Variants in NDRG3 observed in about 807,000 individuals in gnomAD.
NDRG3 encodes the protein NDRG family member 3, also known as protein NDRG3.
A neutral mutation model predicts 57.2 loss-of-function variants in NDRG3; 23 were observed. The observed-to-expected ratio is 0.40, with a 90% CI of 0.29 to 0.57. The LOEUF is 0.57. NDRG3 is among the 20% of genes least tolerant of loss of function. The pLI is 0.42. For missense variants in NDRG3, 384 were observed against 457.3 expected (o/e 0.84, Z 1.46); for synonymous variants, 132 against 162.6 (o/e 0.81, Z 1.43).
intron 1 of NDRG3, among the ~76,000 whole-genome samples, chr20:36,725,400 C>T (rs1179972681): frequency 2.0e-5 from 3 of 151,772 alleles, no homozygotes; most frequent in East Asian, 1.9e-4. Flanking sequence ...ACCTGAGGTT[C>T]GAGACCAGTC....
chr20:36,685,656 T>C (rs2058343394), intron 5 of NDRG3, among the ~76,000 whole-genome samples: 1 of 152,204 alleles, frequency 6.6e-6, no homozygotes, highest in African/African-American at 2.4e-5. Context: ...ATGAACCATC[T>C]GATCCTAAGA....
At chr20:36,719,930 C>T (rs576193106) in intron 2 of NDRG3, among the ~76,000 whole-genome samples, 162 of 151,982 alleles carry the variant, frequency 1.1e-3, no homozygotes, top group African/African-American at 3.8e-3. Flanking sequence ...GCCTGACCAA[C>T]ATGGTGAAAC....
At position 36,653,397 on chromosome 20, in the gene NDRG3, G is replaced by A. The variant is rs775564168; in HGVS notation, c.*123C>T. On this transcript the variant is annotated 3_prime_UTR_variant, in exon 16 of 16. Transcript: ENST00000349004. The surrounding 1 kb of genome is among the most constrained non-coding windows in gnomAD (Gnocchi z 4.2). ...AGAATGATAAATCCAGGCTACTAGAGAGAGGTTCAGTGGCCATGCATGAGT... is the reference window on the plus strand; with the variant it reads ...AGAATGATAAATCCAGGCTACTAGAAAGAGGTTCAGTGGCCATGCATGAGT... 2 of 815,862 alleles carry A rather than the reference G, an allele frequency of 2.5e-6. No homozygotes were observed. The highest frequency in any genetic ancestry group is 2.7e-5 in the East Asian group (1 of 37,034). 50.5% of individuals were successfully genotyped at this position (815,862 alleles called of 1,614,324 possible).
At chr20:36,692,853 C>T (rs931292868) in intron 3 of NDRG3, among the ~76,000 whole-genome samples, 4 of 151,074 alleles carry the variant, frequency 2.6e-5, no homozygotes, top group South Asian at 2.1e-4. Context: ...GTGAGAGGAT[C>T]GCTTGAGCCC....
At chr20:36,745,044 A>G (rs1319127357) in intron 1 of NDRG3, among the ~76,000 whole-genome samples, 3 of 151,388 alleles carry the variant, frequency 2.0e-5, no homozygotes, top group African/African-American at 4.8e-5. Flanking sequence ...GTAAGCCACC[A>G]AAGGAAAGCT....
rs1978311544 is a variant in NDRG3, at chr20:36,651,798, T to G, written c.*1722A>C. ...ACAATGAGACATATGCAGCTTTATTTAATAATCTGTAAAAAGTCATACTCT... is the reference window on the plus strand; with the variant it reads ...ACAATGAGACATATGCAGCTTTATTGAATAATCTGTAAAAAGTCATACTCT... On this transcript the variant is annotated 3_prime_UTR_variant, in exon 16 of 16. Transcript: ENST00000349004. 6.6e-6 allele frequency: 1 copy of G among 152,170 alleles called. No homozygotes were observed. Among genetic ancestry groups the G allele is most frequent in the Non-Finnish European group, 1.5e-5 (1 of 68,030 alleles). The allele number at this position is 152,170 out of a possible 1,614,324, so 9.4% of individuals were successfully genotyped here.
chr20:36,684,372 A>G, intron 6 of NDRG3, 41 bp downstream of exon 6: 4 of 1,518,516 alleles, frequency 2.6e-6, no homozygotes, highest in Non-Finnish European at 3.7e-6. Flanking sequence ...CACCATAGAA[A>G]GTCAATAAAA....
chr20:36,728,493 G>T (rs1985080977), intron 1 of NDRG3, among the ~76,000 whole-genome samples: 1 of 152,214 alleles, frequency 6.6e-6, no homozygotes. Flanking sequence ...TAGATAGATG[G>T]ATGGATGGGT....
chr20:36,727,533 T>TTTTTC (rs1372949716), intron 1 of NDRG3, among the ~76,000 whole-genome samples: 3 of 150,170 alleles, frequency 2.0e-5, no homozygotes, highest in African/African-American at 7.4e-5. Flanking sequence ...CTTTCTTTCT[T>TTTTTC]TTTTCTTTTC....
chr20:36,688,502 A>G (rs1319633891), intron 4 of NDRG3, among the ~76,000 whole-genome samples, 177 bp downstream of exon 4: 1 of 152,204 alleles, frequency 6.6e-6, no homozygotes, highest in East Asian at 1.9e-4. Context: ...TCCCCAGAAT[A>G]CATTCCCCTG....
Position 36,653,797 on chromosome 20 carries a change from A to G in NDRG3, c.947-96T>C, listed in dbSNP as rs1460178863. 1 of 1,167,678 alleles carries G rather than the reference A, an allele frequency of 8.6e-7. No homozygotes were observed. The highest frequency in any genetic ancestry group is 2.4e-5 in the East Asian group (1 of 41,356). 72.3% of individuals were successfully genotyped at this position (1,167,678 alleles called of 1,614,324 possible). A position where few individuals can be genotyped will look rare whatever the true frequency, so the allele number is the denominator to read the frequency against. On this transcript the variant is annotated intron_variant, in intron 15 of 15. Transcript: ENST00000349004. This position sits in a 1 kb window ranked among gnomAD's most constrained non-coding sequence, Gnocchi z 4.2. The stretch of plus-strand genomic sequence containing the variant: ...AAAGTCTTTATGTTTAGCTTTTCCG[A>G]CTCATTTACCATGACACCCAGGACA...
intron 12 of NDRG3, among the ~76,000 whole-genome samples, chr20:36,662,273 G>A (rs1184054902): frequency 6.6e-6 from 1 of 150,586 alleles, no homozygotes; most frequent in Non-Finnish European, 1.5e-5. Context: ...TGTCTCCCAG[G>A]CTGGGGTGCA....
At chr20:36,656,597 C>T in intron 13 of NDRG3, 65 bp from the exon 14 acceptor site, 1 of 1,558,678 alleles carries the variant, frequency 6.4e-7, no homozygotes, top group Non-Finnish European at 8.8e-7. Context: ...CTGAACACCC[C>T]AAGTCCTTTC....
chr20:36,676,077 A>G (rs1324861039), intron 8 of NDRG3, among the ~76,000 whole-genome samples: 3 of 151,954 alleles, frequency 2.0e-5, no homozygotes, highest in Admixed American at 2.0e-4. Flanking sequence ...CGTCTCTACT[A>G]TAAATACAAA....
intron 1 of NDRG3, among the ~76,000 whole-genome samples, chr20:36,725,973 G>A (rs6101961): frequency 1.4e-5 from 2 of 145,142 alleles, no homozygotes; most frequent in South Asian, 2.2e-4. Context: ...CTTTCACCTA[G>A]GCTGGAGTGC....
At chr20:36,670,158 C>A (rs1351141572) in intron 9 of NDRG3, among the ~76,000 whole-genome samples, 1 of 151,774 alleles carries the variant, frequency 6.6e-6, no homozygotes, top group East Asian at 1.9e-4. Flanking sequence ...AATGAGGAAA[C>A]CTTTGTGGGG....
At chr20:36,714,366 T>C (rs1246681919) in intron 2 of NDRG3, among the ~76,000 whole-genome samples, 1 of 143,166 alleles carries the variant, frequency 7.0e-6, no homozygotes, top group Non-Finnish European at 1.5e-5. Flanking sequence ...GACCACATCA[T>C]TGCACTCCAG....
intron 3 of NDRG3, among the ~76,000 whole-genome samples, chr20:36,702,091 G>A (rs1416747671): frequency 2.0e-5 from 3 of 152,022 alleles, no homozygotes; most frequent in Non-Finnish European, 2.9e-5. Context: ...TTTCTGGCTA[G>A]TCTGAACTAG....
At chr20:36,676,874 GC>G (rs148532007) in intron 8 of NDRG3, among the ~76,000 whole-genome samples, 1 of 152,372 alleles carries the variant, frequency 6.6e-6, no homozygotes, top group East Asian at 1.9e-4. Context: ...CGGAAGCCCC[GC>G]CCCTTCCGGG....
Sources: gnomAD v4.1 joint callset for allele counts (sites outside exome capture counted in the v4.1 genomes callset) on GRCh38, gnomAD v4.1.1 for gene constraint, Gnocchi (gnomAD v3.1) non-coding constraint, MANE v1.5 for transcripts, NCBI Gene and HGNC (gene_info 2026-07-23, HGNC 2026-07-21) for gene names.